CNTNAP2: variants seen among roughly 807,000 people sequenced by gnomAD.
CNTNAP2 encodes the protein contactin associated protein 2.
In CNTNAP2, 98 loss-of-function variants were observed where a neutral mutation model predicts 155.2. That is an observed-to-expected ratio of 0.63 (90% CI 0.54 to 0.75). CNTNAP2 has a LOEUF of 0.75. Ranked by LOEUF, CNTNAP2 falls within the 30% of genes least tolerant of loss-of-function variation. The pLI is 0.00. For missense variants in CNTNAP2, 1,727 were observed against 1,688.1 expected (o/e 1.02, Z -0.40); for synonymous variants, 651 against 631.2 (o/e 1.03, Z -0.47).
At chr7:146,846,521 A>G (rs982444531) in intron 3 of CNTNAP2, among the ~76,000 whole-genome samples, 6 of 152,136 alleles carry the variant, frequency 3.9e-5, no homozygotes, top group South Asian at 2.1e-4. Context: ...ATGAATTTTA[A>G]TAAGTTGAGT....
intron 1 of CNTNAP2, among the ~76,000 whole-genome samples, chr7:146,333,823 G>C (rs1337555710): frequency 6.6e-6 from 1 of 152,146 alleles, no homozygotes; most frequent in African/African-American, 2.4e-5. Context: ...CTCATCATTG[G>C]CTTCTAGGAT....
intron 1 of CNTNAP2, among the ~76,000 whole-genome samples, chr7:146,415,024 C>G (rs1382709604): frequency 1.4e-5 from 2 of 138,358 alleles, no homozygotes; most frequent in Non-Finnish European, 3.2e-5. Context: ...GAAGCCTTGG[C>G]AGCGAAGGGC....
At position 147,562,182 on chromosome 7, in the gene CNTNAP2, A is replaced by G. The variant is rs1800076651; in HGVS notation, c.1822A>G (p.Thr608Ala). Residue 608 changes from threonine to alanine, a missense_variant, in exon 12 of 24, where the codon ACA becomes GCA. Transcript: ENST00000361727. ...TGAAGCCTACAAACACCTAGGACAG[A>G]CATCAAATTATTACTGGATAGATCC... is the stretch of plus-strand genomic sequence containing the variant. ...SCEAYKHLGQTSNYYWIDPDG... is the reference protein window; with the variant it reads ...SCEAYKHLGQASNYYWIDPDG... 6.2e-7 allele frequency: 1 copy of G among 1,614,056 alleles called. No individual in the cohort carries two copies. Among genetic ancestry groups the G allele is most frequent in the Admixed American group, 1.7e-5 (1 of 60,022 alleles).
chr7:148,248,643 A>C (rs887687270), intron 20 of CNTNAP2, among the ~76,000 whole-genome samples: 3 of 152,158 alleles, frequency 2.0e-5, no homozygotes, highest in African/African-American at 7.2e-5. Flanking sequence ...CCATGCATTT[A>C]TTCATTCACC....
At chr7:146,155,240 G>T (rs1170683303) in intron 1 of CNTNAP2, among the ~76,000 whole-genome samples, 1 of 152,162 alleles carries the variant, frequency 6.6e-6, no homozygotes, top group Non-Finnish European at 1.5e-5. Context: ...CTGGGAAAAG[G>T]TAGCACAAAT....
chr7:148,133,616 G>C (rs1804878470), intron 16 of CNTNAP2: 1 of 152,214 alleles, frequency 6.6e-6, no homozygotes, highest in Admixed American at 6.5e-5. Flanking sequence ...AGGGAGGATA[G>C]AGAAGCATTC....
chr7:147,377,364 C>T (rs970956508), intron 9 of CNTNAP2, among the ~76,000 whole-genome samples: 5 of 151,712 alleles, frequency 3.3e-5, no homozygotes, highest in Non-Finnish European at 5.9e-5. Flanking sequence ...CTATAGTCTA[C>T]TTTTTGTCCT....
chr7:146,307,485 A>G (rs1268396088), intron 1 of CNTNAP2, among the ~76,000 whole-genome samples: 2 of 152,188 alleles, frequency 1.3e-5, no homozygotes, highest in Admixed American at 6.5e-5. Flanking sequence ...ACTACTTTAA[A>G]GTTCATATGG....
intron 13 of CNTNAP2, among the ~76,000 whole-genome samples, chr7:147,752,529 G>A (rs917011784): frequency 3.3e-5 from 5 of 152,152 alleles, no homozygotes; most frequent in African/African-American, 1.2e-4. Flanking sequence ...GTACAGGAAG[G>A]GGCCTTTGAT....
chr7:147,923,260 AT>A (rs1408052427), intron 14 of CNTNAP2, among the ~76,000 whole-genome samples: 1 of 152,218 alleles, frequency 6.6e-6, no homozygotes. Flanking sequence ...AGATGAAGTC[AT>A]TATTAGGTGG....
intron 3 of CNTNAP2, among the ~76,000 whole-genome samples, chr7:146,888,190 A>G (rs1025030387): frequency 8.5e-5 from 13 of 152,118 alleles, no homozygotes; most frequent in African/African-American, 2.9e-4. Flanking sequence ...TATTTACAAC[A>G]TGGTATCATT....
intron 1 of CNTNAP2, among the ~76,000 whole-genome samples, chr7:146,294,244 A>G (rs1438732596): frequency 1.3e-5 from 2 of 152,236 alleles, no homozygotes; most frequent in African/African-American, 2.4e-5. Context: ...AAGCATCCTT[A>G]AAAATTGAAA....
chr7:148,005,549 C>T (rs1251431793), intron 15 of CNTNAP2, among the ~76,000 whole-genome samples: 1 of 152,026 alleles, frequency 6.6e-6, no homozygotes, highest in Non-Finnish European at 1.5e-5. Context: ...GGCCCTGCAT[C>T]CAGTCAAGGA....
chr7:146,638,708 A>G (rs1161158866), intron 1 of CNTNAP2, among the ~76,000 whole-genome samples: 1 of 151,642 alleles, frequency 6.6e-6, no homozygotes, highest in East Asian at 2.0e-4. Flanking sequence ...GATGGTCTTG[A>G]TCTCCTGACC....
rs904267244 is a variant in CNTNAP2, at chr7:147,128,791, C to G, written c.1038C>G (p.Asn346Lys). The G allele has an allele frequency of 6.2e-7, 1 of 1,614,058 alleles. No individual in the cohort carries two copies. Among genetic ancestry groups the G allele is most frequent in the Non-Finnish European group, 8.5e-7 (1 of 1,179,956 alleles). ...CMESINYNGV[N>K]ITDLARRKKL... Reference sequence around the variant, plus strand: ...AAAGCATCAACTACAATGGCGTCAACATTACTGATCTTGCCAGAAGGAAGA... The same window carrying G: ...AAAGCATCAACTACAATGGCGTCAAGATTACTGATCTTGCCAGAAGGAAGA... Residue 346 changes from asparagine (N) to lysine (K), a missense_variant, in exon 7 of 24, where the codon AAC (asparagine) becomes AAG (lysine). Transcript: ENST00000361727.
chr7:146,243,870 G>T (rs967514802), intron 1 of CNTNAP2, among the ~76,000 whole-genome samples: 1 of 152,148 alleles, frequency 6.6e-6, no homozygotes, highest in Non-Finnish European at 1.5e-5. Flanking sequence ...GTGCTAAAGT[G>T]TTGGGACAGC....
At chr7:148,411,783 T>TG (rs1399789171) in intron 23 of CNTNAP2, among the ~76,000 whole-genome samples, 2 of 88,386 alleles carry the variant, frequency 2.3e-5, no homozygotes, top group Non-Finnish European at 4.7e-5. Context: ...GACCATTTGT[T>TG]GAAAAAAAAA....
At chr7:147,828,252 A>T (rs1487215588) in intron 13 of CNTNAP2, among the ~76,000 whole-genome samples, 3 of 152,190 alleles carry the variant, frequency 2.0e-5, no homozygotes, top group African/African-American at 4.8e-5. Flanking sequence ...ATTGAAGCCC[A>T]AGGTTAATAC....
intron 1 of CNTNAP2, among the ~76,000 whole-genome samples, chr7:146,267,313 GAGAT>G (rs758928054): frequency 2.0e-5 from 3 of 152,164 alleles, no homozygotes; most frequent in Non-Finnish European, 4.4e-5. Flanking sequence ...AGTGGAGACA[GAGAT>G]AGCCAATTGG....
Sources: gnomAD v4.1 joint callset for allele counts (sites outside exome capture counted in the v4.1 genomes callset) on GRCh38, gnomAD v4.1.1 for gene constraint, MANE v1.5 for transcripts, NCBI Gene and HGNC (gene_info 2026-07-23, HGNC 2026-07-21) for gene names.